GABRB3: variants seen among roughly 807,000 people sequenced by gnomAD.
GABRB3 encodes the protein gamma-aminobutyric acid type A receptor subunit beta3, also known as gamma-aminobutyric acid receptor subunit beta-3.
A neutral mutation model predicts 52.1 loss-of-function variants in GABRB3; 14 were observed. The ratio of observed to expected loss-of-function variants is 0.27; its 90% CI spans 0.18 to 0.42. GABRB3 has a LOEUF of 0.42. Among genes scored for constraint, GABRB3 ranks in the 10% least tolerant of loss-of-function variants. GABRB3 has a pLI of 1.00. For missense variants in GABRB3, 307 were observed against 609.1 expected (o/e 0.50, Z 5.22); for synonymous variants, 260 against 232.3 (o/e 1.12, Z -1.08).
intron 4 of GABRB3, chr15:26,615,473 A>G: frequency 1.0e-6 from 1 of 986,832 alleles, no homozygotes; most frequent in East Asian, 1.1e-4. Flanking sequence ...TCAAGGGGCT[A>G]CAAGAGTCAT....
intron 3 of GABRB3, among the ~76,000 whole-genome samples, chr15:26,639,281 C>A (rs1230212376): frequency 1.3e-5 from 2 of 151,396 alleles, no homozygotes; most frequent in African/African-American, 2.4e-5. Context: ...ATACAGTAGA[C>A]CCCCTGTATC....
At chr15:26,568,988 TC>T (rs1695048201) in intron 6 of GABRB3, among the ~76,000 whole-genome samples, 1 of 151,990 alleles carries the variant, frequency 6.6e-6, no homozygotes, top group African/African-American at 2.4e-5. Context: ...CTCTGATTGC[TC>T]CCCCACACTA....
At position 26,691,972 on chromosome 15, in the gene GABRB3, T is replaced by C. The variant is rs550836545; in HGVS notation, c.241-70438A>G. 9.3e-4 allele frequency among the ~76,000 whole-genome samples: 142 copies of C among 152,346 alleles called. No individual in the cohort carries two copies. The South Asian group carries it at 0.017, about 18-fold the overall frequency. On this transcript the variant is annotated intron_variant, in intron 3 of 8. Coordinates refer to ENST00000311550, the MANE Select transcript of GABRB3 (RefSeq NM_000814.6). ...ACTGGAGCCTTACACCAGGGTCATG[T>C]GTTGGTTCAAGTGGCTGTGATTAGA...
intron 3 of GABRB3, among the ~76,000 whole-genome samples, chr15:26,745,923 T>C (rs956970607): frequency 6.6e-6 from 1 of 152,206 alleles, no homozygotes; most frequent in Non-Finnish European, 1.5e-5. Context: ...TTTATAGGTT[T>C]TTGTGTGACT....
At chr15:26,602,604 G>A (rs1891629607) in intron 4 of GABRB3, among the ~76,000 whole-genome samples, 1 of 152,034 alleles carries the variant, frequency 6.6e-6, no homozygotes, top group African/African-American at 2.4e-5. Flanking sequence ...TCAATAATAA[G>A]AGGAATTTTG....
intron 3 of GABRB3, among the ~76,000 whole-genome samples, chr15:26,636,735 T>G (rs1893071704): frequency 6.6e-6 from 1 of 152,230 alleles, no homozygotes; most frequent in African/African-American, 2.4e-5. Flanking sequence ...GTCTTCCCAG[T>G]TCACACAACG....
intron 3 of GABRB3, among the ~76,000 whole-genome samples, chr15:26,759,467 G>T (rs1202989689): frequency 6.6e-6 from 1 of 152,118 alleles, no homozygotes; most frequent in Non-Finnish European, 1.5e-5. Context: ...CACCATGTTG[G>T]CCAGACTGGT....
chr15:26,720,904 T>TA (rs200803920), intron 3 of GABRB3, among the ~76,000 whole-genome samples: 36 of 152,170 alleles, frequency 2.4e-4, no homozygotes, highest in Middle Eastern at 3.4e-3. Context: ...AGAAAAGTGT[T>TA]AAAAAAATGT....
chr15:26,737,286 A>T (rs557600963), intron 3 of GABRB3, among the ~76,000 whole-genome samples: 5,323 of 152,338 alleles, frequency 0.035, 90 homozygotes, highest in Middle Eastern at 0.082. Context: ...AAGACTGAGC[A>T]TGGAAAACAA....
intron 8 of GABRB3, among the ~76,000 whole-genome samples, chr15:26,549,081 C>G (rs1889364316): frequency 1.3e-5 from 2 of 152,210 alleles, no homozygotes; most frequent in South Asian, 4.1e-4. Flanking sequence ...CTGTTTTAGG[C>G]TGTGGAAAGC....
intron 8 of GABRB3, among the ~76,000 whole-genome samples, chr15:26,551,580 C>A (rs1429790187): frequency 1.3e-5 from 2 of 152,234 alleles, no homozygotes; most frequent in South Asian, 2.1e-4. Context: ...CCGGCCCATG[C>A]ACTCCTGTCC....
At chr15:26,576,696 G>A (rs1422361938) in intron 6 of GABRB3, among the ~76,000 whole-genome samples, 1 of 152,148 alleles carries the variant, frequency 6.6e-6, no homozygotes, top group African/African-American at 2.4e-5. Context: ...GTTTTCATAA[G>A]GGAAAGATGA....
intron 4 of GABRB3, among the ~76,000 whole-genome samples, chr15:26,608,102 CA>C (rs60028329): frequency 0.027 from 3,291 of 120,230 alleles, 104 homozygotes; most frequent in African/African-American, 0.079. Flanking sequence ...ATGGTACTGG[CA>C]AAAAAAAAAA....
intron 3 of GABRB3, among the ~76,000 whole-genome samples, chr15:26,675,878 T>C (rs1433607771): frequency 1.3e-5 from 2 of 151,922 alleles, no homozygotes; most frequent in Non-Finnish European, 1.5e-5. Context: ...ATATCCAGGG[T>C]TGGGGGTTCT....
intron 3 of GABRB3, chr15:26,658,468 T>A (rs1283953087): frequency 6.6e-6 from 1 of 152,202 alleles, no homozygotes; most frequent in Non-Finnish European, 1.5e-5. Context: ...AATATGTACA[T>A]ACTCCAGCCC....
chr15:26,720,530 G>C (rs1438938475), intron 3 of GABRB3, among the ~76,000 whole-genome samples: 1 of 152,166 alleles, frequency 6.6e-6, no homozygotes, highest in African/African-American at 2.4e-5. Flanking sequence ...CAGGGACCCA[G>C]ACGGTCAGGT....
intron 3 of GABRB3, among the ~76,000 whole-genome samples, chr15:26,720,349 C>G (rs1595550724): frequency 6.6e-6 from 1 of 152,330 alleles, no homozygotes; most frequent in East Asian, 1.9e-4. Flanking sequence ...ACTTACCTGT[C>G]ACCTCTATCA....
intron 3 of GABRB3, among the ~76,000 whole-genome samples, chr15:26,686,282 G>A (rs1888402946): frequency 1.3e-5 from 2 of 152,078 alleles, no homozygotes; most frequent in African/African-American, 4.8e-5. Context: ...ATGAATGACT[G>A]TTATAAAAAT....
intron 3 of GABRB3, among the ~76,000 whole-genome samples, chr15:26,764,131 C>T (rs1841739358): frequency 8.5e-6 from 1 of 117,206 alleles, no homozygotes; most frequent in African/African-American, 3.5e-5. Context: ...GCCTGGGCAA[C>T]AGTGAGAGAC....
Sources: gnomAD v4.1 joint callset for allele counts (sites outside exome capture counted in the v4.1 genomes callset) on GRCh38, gnomAD v4.1.1 for gene constraint, MANE v1.5 for transcripts, NCBI Gene and HGNC (gene_info 2026-07-23, HGNC 2026-07-21) for gene names.